Variants in PCDHA6 observed in about 807,000 individuals in gnomAD.
The protein encoded by PCDHA6 is protocadherin alpha-6.
A neutral mutation model predicts 60.3 loss-of-function variants in PCDHA6; 55 were observed. The observed-to-expected ratio is 0.91, with a 90% confidence interval of 0.73 to 1.14. The LOEUF is 1.14. PCDHA6 is among the 50% of genes most tolerant of loss of function. PCDHA6 has a pLI of 0.00. For missense variants in PCDHA6, 1,327 were observed against 1,256.5 expected, an observed-to-expected ratio of 1.06 and a Z score of -0.85; for synonymous variants, 652 against 557.9, an observed-to-expected ratio of 1.17 and a Z score of -2.38.
At chr5:141,001,885 A>C (rs1462586962) in intron 3 of PCDHA6, among the ~76,000 whole-genome samples, 2 of 152,228 alleles carry the variant, frequency 1.3e-5, no homozygotes, top group African/African-American at 2.4e-5. Context: ...GAAGGAGCAA[A>C]GAAATCGGGG....
rs2150186226 is a variant in PCDHA6, at chr5:140,830,412, C to G, written c.2321C>G (p.Pro774Arg). The G allele has an allele frequency of 6.2e-7, 1 of 1,614,064 alleles. No individual in the cohort carries two copies. Among genetic ancestry groups the G allele is most frequent in the Non-Finnish European group, 8.5e-7 (1 of 1,179,938 alleles). The change falls in exon 1 of 4, where the codon CCC (proline) becomes CGC (arginine). Residue 774 changes from proline (P) to arginine (R), a missense_variant. Physicochemically the swap from Pro to Arg is moderately radical, Grantham distance 103. Coordinates refer to ENST00000529310, the MANE Select transcript of PCDHA6 (RefSeq NM_018909.4). ...AAGATGGATCTCATGGCCTTTAGCC[C>G]CAGCCTTTCACCTTGTCCTATTATG... ...PPKMDLMAFS[P>R]SLSPCPIMMG...
Position 140,828,715 on chromosome 5 carries a change from C to T in PCDHA6, c.624C>T (p.His208=). The T allele has an allele frequency of 6.2e-7, 1 of 1,614,274 alleles. No homozygotes were observed. The highest frequency in any genetic ancestry group is 8.5e-7 in the Non-Finnish European group (1 of 1,180,050). Residue 208 remains histidine, a synonymous_variant, in exon 1 of 4, where the codon CAC becomes CAT. Transcript: ENST00000529310. ...KSLDREEAPA[H]NLFLTATDGG... is the part of the protein sequence containing the mutation. ...TGGACAGAGAGGAAGCTCCTGCACA[C>T]AACTTATTCCTGACAGCCACAGATG...
chr5:140,877,285 G>T lies in PCDHA6; in HGVS notation c.2394+46800G>T, dbSNP rs76220347. 4.6e-3 allele frequency: 7,403 copies of T among 1,613,898 alleles called. 23 individuals carry two copies. Among genetic ancestry groups the T allele is most frequent in the Middle Eastern group, 7.1e-3 (43 of 6,038 alleles). ...GGTGGACGCTGACTCCGGCTATAAC[G>T]CTTGGCTGTCCTACGAGTTGCAACC... On this transcript the variant is annotated intron_variant, in intron 1 of 3. Coordinates refer to ENST00000529310, the MANE Select transcript of PCDHA6 (RefSeq NM_018909.4).
intron 1 of PCDHA6, chr5:140,841,904 G>A (rs2150325203): frequency 1.9e-6 from 3 of 1,613,860 alleles, no homozygotes; most frequent in Non-Finnish European, 2.5e-6. Flanking sequence ...GGTTGAGCTC[G>A]TATTAAGAAA....
chr5:140,954,225 A>G (rs1554221300), intron 1 of PCDHA6, among the ~76,000 whole-genome samples: 1 of 152,242 alleles, frequency 6.6e-6, no homozygotes, highest in Admixed American at 6.5e-5. Context: ...TGCTATTGTG[A>G]ATAGTGCTGC....
At chr5:140,968,273 G>A in intron 1 of PCDHA6, 1 of 1,614,080 alleles carries the variant, frequency 6.2e-7, no homozygotes, top group African/African-American at 1.3e-5. Context: ...GGAGAATGCA[G>A]AGGTGACCTA....
chr5:140,893,778 A>G (rs1017243223), intron 1 of PCDHA6, among the ~76,000 whole-genome samples: 2 of 151,936 alleles, frequency 1.3e-5, no homozygotes, highest in South Asian at 4.2e-4. Flanking sequence ...CTTTTCTTTT[A>G]CCGTTTTTAG....
chr5:141,011,626 C>T lies in PCDHA6; in HGVS notation c.*1689C>T, dbSNP rs1340546254. 6.5e-6 allele frequency: 1 copy of T among 153,668 alleles called. No individual in the cohort carries two copies. Among genetic ancestry groups the T allele is most frequent in the Non-Finnish European group, 1.5e-5 (1 of 68,026 alleles). The allele number at this position is 153,668 out of a possible 1,614,324, so 9.5% of individuals were successfully genotyped here. On this transcript the variant is annotated 3_prime_UTR_variant, in exon 4 of 4. Transcript: ENST00000529310. Reference sequence around the variant, plus strand: ...ATTTTATTTATGGTCCAGCCAAGAGCCATCTCGTGCCAAGACTTCTGCTGG... The same window carrying T: ...ATTTTATTTATGGTCCAGCCAAGAGTCATCTCGTGCCAAGACTTCTGCTGG...
intron 1 of PCDHA6, chr5:140,870,819 G>T: frequency 3.1e-6 from 5 of 1,613,714 alleles, no homozygotes; most frequent in Non-Finnish European, 4.2e-6. Context: ...CTGGCAGCGC[G>T]GGAGGCGCAG....
chr5:140,961,037 A>C (rs1222978592), intron 1 of PCDHA6, among the ~76,000 whole-genome samples: 2 of 152,188 alleles, frequency 1.3e-5, no homozygotes, highest in African/African-American at 4.8e-5. Flanking sequence ...CCTTGTTTTG[A>C]GTCATTAACA....
At position 141,011,699 on chromosome 5, in the gene PCDHA6, A is replaced by G. The variant is rs537913184; in HGVS notation, c.*1762A>G. 6.5e-6 allele frequency: 1 copy of G among 153,890 alleles called. No homozygotes were observed. Among genetic ancestry groups the G allele is most frequent in the African/African-American group, 2.4e-5 (1 of 41,578 alleles). 9.5% of individuals were successfully genotyped at this position (153,890 alleles called of 1,614,324 possible). A position where few individuals can be genotyped will look rare whatever the true frequency, so the allele number is the denominator to read the frequency against. ...TTGTTCTAGTAACAATTTTGGAATG[A>G]ATACTGACAATATTCCATGAGGGTG... On this transcript the variant is annotated 3_prime_UTR_variant, in exon 4 of 4. Coordinates refer to ENST00000529310, the MANE Select transcript of PCDHA6 (RefSeq NM_018909.4).
At chr5:140,832,642 C>A (rs1554133590) in intron 1 of PCDHA6, among the ~76,000 whole-genome samples, 1 of 152,106 alleles carries the variant, frequency 6.6e-6, no homozygotes, top group African/African-American at 2.4e-5. Flanking sequence ...CTAGGAGGGT[C>A]TTTAAGAGTA....
chr5:140,960,919 A>G (rs542740686), intron 1 of PCDHA6, among the ~76,000 whole-genome samples: 1 of 152,334 alleles, frequency 6.6e-6, no homozygotes, highest in Non-Finnish European at 1.5e-5. Flanking sequence ...CAGATAGAAA[A>G]TTGGTACTAA....
intron 1 of PCDHA6, chr5:140,836,350 A>T (rs1454301862): frequency 3.1e-6 from 5 of 1,613,518 alleles, no homozygotes; most frequent in Non-Finnish European, 4.2e-6. Flanking sequence ...GACCACGGGG[A>T]GCCCTCGCTG....
chr5:140,839,383 G>C (rs200307004), intron 1 of PCDHA6, among the ~76,000 whole-genome samples: 4 of 150 alleles, frequency 0.027, no homozygotes, highest in Non-Finnish European at 0.042. Flanking sequence ...CAATTATTAT[G>C]ATGATGATGA....
In PCDHA6 at chr5:140,875,437, C is replaced by CTGAT. The variant is rs782126939; in HGVS notation, c.2394+44955_2394+44958dup. The stretch of plus-strand genomic sequence containing the variant: ...ACCTCAGGCAAGCGATCCCTTAAAA[C>CTGAT]TGATTGTCCCAACTCAGAGGCCCTC... On this transcript the variant is annotated intron_variant, in intron 1 of 3. Transcript: ENST00000529310. 4 of 1,565,778 alleles carry CTGAT rather than the reference C, an allele frequency of 2.6e-6. No homozygotes were observed. In the South Asian group the frequency reaches 3.6e-5, roughly 14 times the overall value.
intron 3 of PCDHA6, among the ~76,000 whole-genome samples, chr5:140,990,932 G>A (rs1161440839): frequency 6.6e-6 from 1 of 152,154 alleles, no homozygotes; most frequent in African/African-American, 2.4e-5. Flanking sequence ...ATCCCATACT[G>A]TTGCCTCCTG....
intron 1 of PCDHA6, chr5:140,927,270 C>A (rs541200655): frequency 1.2e-6 from 2 of 1,614,034 alleles, no homozygotes; most frequent in Non-Finnish European, 1.7e-6. Context: ...TCTTTCCTGC[C>A]GGCGACGTGC....
intron 1 of PCDHA6, chr5:140,884,705 C>G (rs1156324848): frequency 3.4e-6 from 5 of 1,491,236 alleles, no homozygotes; most frequent in African/African-American, 1.4e-5. Flanking sequence ...AACACTTTAG[C>G]CTTCCTTGCA....
Sources: allele counts gnomAD v4.1 joint callset (sites outside exome capture counted in the v4.1 genomes callset), GRCh38; gene constraint gnomAD v4.1.1; transcripts MANE v1.5; gene names NCBI Gene and HGNC (gene_info 2026-07-23, HGNC 2026-07-21).